CFAP251: variants seen among roughly 807,000 people sequenced by gnomAD.
CFAP251 encodes the protein cilia and flagella associated protein 251.
CFAP251 carries 93 observed loss-of-function variants against 126.7 expected under a neutral mutation model. The ratio of observed to expected loss-of-function variants is 0.73; its 90% CI spans 0.62 to 0.87. The LOEUF (loss-of-function observed/expected upper bound fraction) is 0.87. Ranked by LOEUF, CFAP251 falls within the 40% of genes least tolerant of loss-of-function variation. The probability of loss-of-function intolerance (pLI) is 0.00; values close to 1 mark genes in which losing one functional copy is unlikely to be tolerated. For missense variants in CFAP251, 1,287 were observed against 1,389.2 expected (o/e 0.93, Z 1.17); for synonymous variants, 503 against 506.9 (o/e 0.99, Z 0.10).
chr12:121,920,638 C>T (rs1259677803), intron 1 of CFAP251, among the ~76,000 whole-genome samples: 2 of 152,000 alleles, frequency 1.3e-5, no homozygotes, highest in Admixed American at 6.6e-5. Flanking sequence ...CCTCGTGATC[C>T]ACCCGCGTCA....
chr12:121,978,006 C>A (rs1046606255), intron 19 of CFAP251, among the ~76,000 whole-genome samples: 4 of 151,234 alleles, frequency 2.6e-5, no homozygotes, highest in Non-Finnish European at 5.9e-5. Flanking sequence ...AAAATAAAAA[C>A]AAACAAAAAA....
rs563652099 is a variant in CFAP251 at position 121,989,989 on chromosome 12, G to C, written c.3007-9727G>C. On this transcript the variant is annotated intron_variant, in intron 19 of 21. Coordinates refer to ENST00000288912, the MANE Select transcript of CFAP251 (RefSeq NM_144668.6). This position sits in a 1 kb window ranked among gnomAD's most constrained non-coding sequence, Gnocchi z 4.2. ...GCAGAAATAAGATGCTCTCGGGTGA[G>C]GGGACTCCAGCCCACCACCAAGAGG... Among the ~76,000 whole-genome samples, 93 of 152,260 alleles carry C rather than the reference G, an allele frequency of 6.1e-4. No individual in the cohort carries two copies. Among genetic ancestry groups the C allele is most frequent in the African/African-American group, 2.1e-3 (88 of 41,538 alleles).
chr12:121,921,222 T>C (rs2135741048), intron 1 of CFAP251, 64 bp from the exon 2 acceptor site: 1 of 1,486,882 alleles, frequency 6.7e-7, no homozygotes, highest in South Asian at 1.4e-5. Flanking sequence ...AGTAGGTTAG[T>C]GCACTAGGAG....
chr12:121,938,970 G>C (rs1299618965), intron 5 of CFAP251, among the ~76,000 whole-genome samples: 2 of 149,196 alleles, frequency 1.3e-5, no homozygotes, highest in Non-Finnish European at 3.0e-5. Context: ...CTGGGCGACA[G>C]AGCGAGAATT....
chr12:121,959,234 C>G, intron 13 of CFAP251, 140 bp downstream of exon 13: 2 of 893,056 alleles, frequency 2.2e-6, no homozygotes, highest in Non-Finnish European at 3.3e-6. Context: ...GACAGGAATT[C>G]AAGACCAGCC....
intron 10 of CFAP251, 38 bp downstream of exon 10, chr12:121,954,372 T>C (rs772344126): frequency 6.5e-7 from 1 of 1,531,246 alleles, no homozygotes; most frequent in Admixed American, 1.8e-5. Flanking sequence ...TATGGATAAT[T>C]ATAAAAATAT....
intron 11 of CFAP251, among the ~76,000 whole-genome samples, chr12:121,957,501 G>A (rs1349551547): frequency 4.0e-5 from 6 of 151,842 alleles, no homozygotes; most frequent in African/African-American, 1.5e-4. Context: ...TCAGGAGATC[G>A]AGACCATCCT....
Position 121,959,079 on chromosome 12 carries a change from G to C in CFAP251, c.2118G>C (p.Gln706His), listed in dbSNP as rs747033080. The part of the protein sequence containing the change: ...VTHISFSHDS[Q>H]YMATADRSFT... ...ATATAAGCTTTTCCCATGACTCCCA[G>C]TATATGGCAACTGCTGTAAGTATTT... The change falls in exon 13 of 22, where the codon CAG (glutamine) becomes CAC (histidine). Residue 706 changes from glutamine to histidine, a missense_variant. Coordinates refer to ENST00000288912, the MANE Select transcript of CFAP251 (RefSeq NM_144668.6). The C allele has an allele frequency of 1.3e-6, 2 of 1,598,538 alleles. No individual in the cohort carries two copies. Among genetic ancestry groups the C allele is most frequent in the African/African-American group, 1.4e-5 (1 of 73,930 alleles).
intron 19 of CFAP251, 56 bp from the exon 20 acceptor site, chr12:121,999,660 T>TC: frequency 7.1e-7 from 1 of 1,401,394 alleles, no homozygotes; most frequent in South Asian, 1.3e-5. Context: ...TAGAAATCTA[T>TC]CCTGGTGCCT....
rs755833859 is a variant in CFAP251 at position 121,921,476 on chromosome 12, G to A, written c.171G>A (p.Thr57=). The change falls in exon 2 of 22, where the codon ACG becomes ACA. Residue 57 remains threonine, a synonymous_variant. Coordinates refer to ENST00000288912, the MANE Select transcript of CFAP251 (RefSeq NM_144668.6). ...WRESQEEERK[T]GEEEGEEEGK... is the part of the protein sequence containing the mutation. ...AGTCTCAGGAGGAGGAGAGGAAAAC[G>A]GGCGAGGAGGAAGGGGAGGAGGAGG... 4 of 1,613,472 alleles carry A rather than the reference G, an allele frequency of 2.5e-6. No homozygotes were observed. The highest frequency in any genetic ancestry group is 2.7e-5 in the African/African-American group (2 of 74,968).
At chr12:121,959,504 G>C (rs1050742121) in intron 13 of CFAP251, 1 of 160,860 alleles carries the variant, frequency 6.2e-6, no homozygotes, top group African/African-American at 2.4e-5. Flanking sequence ...CACTCCTCCG[G>C]TTTGTGTACA....
At chr12:121,997,751 G>GT (rs199652481) in intron 19 of CFAP251, 2 of 146,564 alleles carry the variant, frequency 1.4e-5, no homozygotes, top group African/African-American at 5.2e-5. Flanking sequence ...AAATACAATA[G>GT]TTTGTTTTTT....
At chr12:121,938,640 A>G (rs1038986904) in intron 5 of CFAP251, among the ~76,000 whole-genome samples, 15 of 149,046 alleles carry the variant, frequency 1.0e-4, no homozygotes, top group Non-Finnish European at 1.8e-4. Flanking sequence ...CATCTGTTTA[A>G]TTTGTAAAAA....
At chr12:121,947,396 G>A (rs368345901) in intron 7 of CFAP251, among the ~76,000 whole-genome samples, 3 of 152,198 alleles carry the variant, frequency 2.0e-5, no homozygotes, top group African/African-American at 7.2e-5. Context: ...CGGATCTCCT[G>A]TGGCTTCTTT....
rs71082926 is a variant in CFAP251 at position 121,998,432 on chromosome 12, AATATATATATATAT to A, written c.3007-1241_3007-1228del. The A allele has an allele frequency of 6.0e-3, 512 of 85,456 alleles. 2 individuals carry two copies. Among genetic ancestry groups the A allele is most frequent in the Middle Eastern group, 7.2e-3 (1 of 138 alleles). The allele number at this position is 85,456 out of a possible 1,614,324, so 5.3% of individuals were successfully genotyped here. ...TACCAGTTCTAATAGTTTTTAGTGTAATATATATATATATATATATATATATATATATATATATA... is the reference window on the plus strand; with the variant it reads ...TACCAGTTCTAATAGTTTTTAGTGTAATATATATATATATATATATATATA... On this transcript the variant is annotated intron_variant, in intron 19 of 21. Coordinates refer to ENST00000288912, the MANE Select transcript of CFAP251 (RefSeq NM_144668.6).
At chr12:121,931,424 T>C (rs1880683916) in intron 3 of CFAP251, among the ~76,000 whole-genome samples, 1 of 151,792 alleles carries the variant, frequency 6.6e-6, no homozygotes, top group South Asian at 2.1e-4. Context: ...GTGATTCTCC[T>C]GCCTCAGCCT....
At chr12:121,961,888 T>C in intron 14 of CFAP251, 90 bp from the exon 15 acceptor site, 1 of 1,355,198 alleles carries the variant, frequency 7.4e-7, no homozygotes, top group South Asian at 1.4e-5. Flanking sequence ...CTGATAATTA[T>C]AAAGGCTGTC....
In CFAP251 at chr12:121,968,918, A is replaced by G. The variant is rs1005578401; in HGVS notation, c.2771+749A>G. On this transcript the variant is annotated intron_variant, in intron 17 of 21. Coordinates refer to ENST00000288912, the MANE Select transcript of CFAP251 (RefSeq NM_144668.6). Reference sequence around the variant, plus strand: ...GCTTATGAGCTCAGAATCTTCCCTAATAAAGAGGGGACAAGCACCCACACT... The same window carrying G: ...GCTTATGAGCTCAGAATCTTCCCTAGTAAAGAGGGGACAAGCACCCACACT... The G allele has an allele frequency of 1.7e-5, 17 of 985,282 alleles. No homozygotes were observed. In the African/African-American group the frequency reaches 3.0e-4, roughly 17 times the overall value. The allele number at this position is 985,282 out of a possible 1,614,324, so 61.0% of individuals were successfully genotyped here.
chr12:121,967,951 C>G, intron 16 of CFAP251, 55 bp from the exon 17 acceptor site: 2 of 1,521,546 alleles, frequency 1.3e-6, no homozygotes, highest in Non-Finnish European at 1.8e-6. Flanking sequence ...CGTGCCAGGC[C>G]TCTCTCGGGC....
Sources: allele counts gnomAD v4.1 joint callset (sites outside exome capture counted in the v4.1 genomes callset), GRCh38; gene constraint gnomAD v4.1.1; non-coding constraint Gnocchi (gnomAD v3.1); transcripts MANE v1.5; gene names NCBI Gene and HGNC (gene_info 2026-07-23, HGNC 2026-07-21).